Variants in UST observed in about 807,000 individuals in gnomAD.
The protein encoded by UST is chondroitin sulfate 2-O-sulfotransferase.
In UST, 21 loss-of-function variants were observed where a neutral mutation model predicts 45.6. The observed-to-expected ratio is 0.46, with a 90% CI of 0.33 to 0.66. The LOEUF is 0.66. Among genes scored for constraint, UST ranks in the 30% least tolerant of loss-of-function variants. The pLI, the probability that UST is intolerant of heterozygous loss-of-function variation, is 0.02. For synonymous variants in UST, 215 were observed against 200.6 expected, an observed-to-expected ratio of 1.07 and a Z score of -0.61; for missense variants, 463 against 512.4, an observed-to-expected ratio of 0.90 and a Z score of 0.93.
At chr6:148,780,996 C>G (rs1475373313) in intron 1 of UST, among the ~76,000 whole-genome samples, 2 of 152,120 alleles carry the variant, frequency 1.3e-5, no homozygotes, top group Non-Finnish European at 2.9e-5. Context: ...CTCCTTGGAC[C>G]TCCCTATTCC....
chr6:148,803,672 AC>A (rs1777094027), intron 1 of UST, among the ~76,000 whole-genome samples: 1 of 152,056 alleles, frequency 6.6e-6, no homozygotes, highest in African/African-American at 2.4e-5. Flanking sequence ...ACTCTCCCAC[AC>A]TGCCCCCAAA....
chr6:149,074,565 GTAAGACAGAT>G lies in UST; in HGVS notation c.*452_*461del, dbSNP rs1356083340. Reference sequence around the variant, plus strand: ...CTCCTCTGGAAGGATCTAAGAGAAGGTAAGACAGATTAGGACATCGAAAAGGAGGATGGAG... The same window carrying G: ...CTCCTCTGGAAGGATCTAAGAGAAGGTAGGACATCGAAAAGGAGGATGGAG... On this transcript the variant is annotated 3_prime_UTR_variant, in exon 8 of 8. Coordinates refer to ENST00000367463, the MANE Select transcript of UST (RefSeq NM_005715.3). The G allele has an allele frequency of 1.8e-5, 3 of 169,804 alleles. No individual in the cohort carries two copies. Among genetic ancestry groups the G allele is most frequent in the African/African-American group, 7.2e-5 (3 of 41,812 alleles). 10.5% of individuals were successfully genotyped at this position (169,804 alleles called of 1,614,324 possible). A position where few individuals can be genotyped will look rare whatever the true frequency, so the allele number is the denominator to read the frequency against.
intron 7 of UST, among the ~76,000 whole-genome samples, chr6:149,058,403 G>A (rs115669301): frequency 0.037 from 5,622 of 151,684 alleles, 359 homozygotes; most frequent in African/African-American, 0.13. Context: ...GCGCGCGCGT[G>A]TGTCTGTGTG....
intron 2 of UST, among the ~76,000 whole-genome samples, chr6:148,908,585 G>A (rs766821860): frequency 1.1e-4 from 17 of 152,062 alleles, no homozygotes; most frequent in Admixed American, 1.3e-4. Context: ...GTAATACAGG[G>A]CTTCTATATT....
At chr6:148,860,286 G>T (rs1267121849) in intron 1 of UST, among the ~76,000 whole-genome samples, 16 of 152,142 alleles carry the variant, frequency 1.1e-4, no homozygotes, top group South Asian at 1.0e-3. Context: ...TCATGATTTG[G>T]CTCTCTGTTT....
intron 5 of UST, among the ~76,000 whole-genome samples, chr6:148,975,997 A>G (rs1781008457): frequency 6.6e-6 from 1 of 152,248 alleles, no homozygotes; most frequent in African/African-American, 2.4e-5. Flanking sequence ...ATTAACAGGC[A>G]AATCGAATGG....
At chr6:149,030,534 G>A (rs1435928950) in intron 7 of UST, among the ~76,000 whole-genome samples, 1 of 151,956 alleles carries the variant, frequency 6.6e-6, no homozygotes, top group East Asian at 1.9e-4. Flanking sequence ...GTATCTGTCT[G>A]TTCACTAAGA....
intron 7 of UST, among the ~76,000 whole-genome samples, chr6:149,071,247 T>C (rs1200108192): frequency 6.6e-6 from 1 of 152,196 alleles, no homozygotes; most frequent in Non-Finnish European, 1.5e-5. Context: ...AAATTCCTTC[T>C]TTAGAATTGC....
At chr6:148,983,732 A>T (rs1337652436) in intron 5 of UST, among the ~76,000 whole-genome samples, 1 of 152,252 alleles carries the variant, frequency 6.6e-6, no homozygotes, top group East Asian at 1.9e-4. Flanking sequence ...AAACAAAATG[A>T]TAAAACTCAG....
intron 4 of UST, 118 bp downstream of exon 4, chr6:148,954,069 T>C: frequency 1.4e-6 from 1 of 707,178 alleles, no homozygotes; most frequent in Middle Eastern, 2.6e-4. Flanking sequence ...TTTTAATCCG[T>C]TTATTTTTGC....
intron 1 of UST, among the ~76,000 whole-genome samples, chr6:148,843,993 A>T (rs533895673): frequency 6.6e-6 from 1 of 152,350 alleles, no homozygotes; most frequent in African/African-American, 2.4e-5. Flanking sequence ...AAAAAGGTTC[A>T]GGGATGGATC....
chr6:148,858,287 C>T (rs907380347), intron 1 of UST, among the ~76,000 whole-genome samples: 3 of 152,180 alleles, frequency 2.0e-5, no homozygotes, highest in Admixed American at 6.5e-5. Flanking sequence ...GCCTGAGAGC[C>T]CCTGGAAAAT....
At chr6:148,979,953 T>C (rs1030195672) in intron 5 of UST, among the ~76,000 whole-genome samples, 1 of 152,158 alleles carries the variant, frequency 6.6e-6, no homozygotes, top group Non-Finnish European at 1.5e-5. Context: ...AAAGCCCAGG[T>C]GTTAAAGCTC....
intron 1 of UST, among the ~76,000 whole-genome samples, chr6:148,769,650 T>A (rs1776382965): frequency 6.6e-6 from 1 of 152,240 alleles, no homozygotes; most frequent in Non-Finnish European, 1.5e-5. Flanking sequence ...GCATTTGTAA[T>A]ACCTGTTAAT....
Position 148,954,028 on chromosome 6 carries a change from C to T in UST, c.527+77C>T, listed in dbSNP as rs1780427215. On this transcript the variant is annotated intron_variant, in intron 4 of 7. Coordinates refer to ENST00000367463, the MANE Select transcript of UST (RefSeq NM_005715.3). ...TACTTTAGAAATCTACCTTTATTTACAAGGCAGTGCAATTGCCCTTGAAAA... is the reference window on the plus strand; with the variant it reads ...TACTTTAGAAATCTACCTTTATTTATAAGGCAGTGCAATTGCCCTTGAAAA... 2.5e-6 allele frequency: 3 copies of T among 1,183,118 alleles called. No individual in the cohort carries two copies. The Admixed American group carries it at 7.4e-5, about 29-fold the overall frequency. 73.3% of individuals were successfully genotyped at this position (1,183,118 alleles called of 1,614,324 possible).
At chr6:148,793,905 G>A (rs1469758854) in intron 1 of UST, among the ~76,000 whole-genome samples, 1 of 152,104 alleles carries the variant, frequency 6.6e-6, no homozygotes, top group Admixed American at 6.5e-5. Flanking sequence ...CTTTTGGGTT[G>A]TCTCTGGTTT....
At chr6:148,857,712 G>C (rs926999463) in intron 1 of UST, among the ~76,000 whole-genome samples, 20 of 146,954 alleles carry the variant, frequency 1.4e-4, no homozygotes, top group African/African-American at 5.1e-4. Context: ...GCAGTGAGCT[G>C]AGATCATGCC....
At chr6:148,931,613 T>G (rs1329931480) in intron 2 of UST, among the ~76,000 whole-genome samples, 1 of 152,224 alleles carries the variant, frequency 6.6e-6, no homozygotes, top group Non-Finnish European at 1.5e-5. Context: ...TAATAAGGAC[T>G]TTTGGACGAC....
chr6:148,840,972 A>G (rs975716757), intron 1 of UST, among the ~76,000 whole-genome samples: 1 of 151,832 alleles, frequency 6.6e-6, no homozygotes, highest in African/African-American at 2.4e-5. Flanking sequence ...GGTATTTATT[A>G]ATGAAAACTT....
Sources: allele counts gnomAD v4.1 joint callset (sites outside exome capture counted in the v4.1 genomes callset), GRCh38; gene constraint gnomAD v4.1.1; transcripts MANE v1.5; gene names NCBI Gene and HGNC (gene_info 2026-07-23, HGNC 2026-07-21).